BRWD3: variants seen among roughly 807,000 people sequenced by gnomAD.
The protein encoded by BRWD3 is bromodomain and WD repeat-containing protein 3.
Under a neutral mutation model 149.7 loss-of-function variants are expected in BRWD3, and 10 were observed. The observed-to-expected ratio is 0.07, with a 90% CI of 0.04 to 0.11. The LOEUF is 0.11. BRWD3 is among the 10% of genes least tolerant of loss of function. BRWD3 has a pLI of 1.00. For missense variants in BRWD3, 940 were observed against 1,373.2 expected, an observed-to-expected ratio of 0.68 and a Z score of 4.99; for synonymous variants, 504 against 456.7, an observed-to-expected ratio of 1.10 and a Z score of -1.32.
chrX:80,792,419 C>G (rs748582877), intron 5 of BRWD3, among the ~76,000 whole-genome samples: 1 of 112,120 alleles, frequency 8.9e-6, no homozygotes, highest in African/African-American at 3.2e-5. Flanking sequence ...TAACAGATAA[C>G]AGCACTGCAT....
intron 8 of BRWD3, among the ~76,000 whole-genome samples, chrX:80,738,768 G>C (rs1317972003): frequency 8.9e-6 from 1 of 111,977 alleles, no homozygotes; most frequent in Admixed American, 9.5e-5. Flanking sequence ...GACCACTCCA[G>C]AGACAGGAAA....
At chrX:80,726,992 GA>G (rs71904190) in intron 14 of BRWD3, among the ~76,000 whole-genome samples, 8,082 of 103,438 alleles carry the variant, frequency 0.078, 654 homozygotes, top group African/African-American at 0.24. Flanking sequence ...GTACATTAGG[GA>G]AAAAAAAAAA....
chrX:80,760,525 G>A (rs1403245187), intron 6 of BRWD3, among the ~76,000 whole-genome samples: 2 of 111,785 alleles, frequency 1.8e-5, no homozygotes, highest in African/African-American at 6.5e-5. Context: ...AAAGGCACAG[G>A]AAAATGCCAT....
At chrX:80,799,966 A>G (rs1449363289) in intron 4 of BRWD3, among the ~76,000 whole-genome samples, 1 of 111,556 alleles carries the variant, frequency 9.0e-6, no homozygotes, top group Non-Finnish European at 1.9e-5. Context: ...TGCTGCCCTA[A>G]GGGAACCCAT....
chrX:80,750,290 G>A (rs2147798104), intron 6 of BRWD3, among the ~76,000 whole-genome samples: 1 of 110,948 alleles, frequency 9.0e-6, no homozygotes, highest in African/African-American at 3.3e-5. Context: ...ATGATTAGCA[G>A]ACAGATGATA....
At chrX:80,689,941 C>G in intron 32 of BRWD3, 26 bp downstream of exon 32, 1 of 1,204,919 alleles carries the variant, frequency 8.3e-7, no homozygotes, top group Non-Finnish European at 1.1e-6. Flanking sequence ...AAGTTAGACT[C>G]TCTGGAAGCT....
At chrX:80,715,208 C>A (rs2073058170) in intron 20 of BRWD3, among the ~76,000 whole-genome samples, 1 of 103,868 alleles carries the variant, frequency 9.6e-6, no homozygotes. Flanking sequence ...CATTCAAAAT[C>A]TCTTAAAAAA....
intron 6 of BRWD3, among the ~76,000 whole-genome samples, chrX:80,754,416 T>C (rs1367819819): frequency 8.9e-6 from 1 of 111,985 alleles, no homozygotes; most frequent in African/African-American, 3.2e-5. Flanking sequence ...GAGGAGTCTT[T>C]AGAATTTTCT....
intron 20 of BRWD3, among the ~76,000 whole-genome samples, chrX:80,711,447 C>T (rs2072966509): frequency 8.9e-6 from 1 of 112,031 alleles, no homozygotes; most frequent in Non-Finnish European, 1.9e-5. Flanking sequence ...AATATTTTAA[C>T]CGCAAATATG....
intron 16 of BRWD3, among the ~76,000 whole-genome samples, 172 bp downstream of exon 16, chrX:80,723,576 A>T (rs2073180954): frequency 1.8e-5 from 2 of 109,755 alleles, no homozygotes; most frequent in Admixed American, 9.7e-5. Flanking sequence ...AGCCAAACCT[A>T]AGGTTCTGGC....
intron 20 of BRWD3, among the ~76,000 whole-genome samples, chrX:80,712,704 G>C (rs2072998079): frequency 9.1e-6 from 1 of 110,114 alleles, no homozygotes; most frequent in African/African-American, 3.3e-5. Flanking sequence ...AGGAAGTGAG[G>C]AGCGCCTCTT....
intron 4 of BRWD3, among the ~76,000 whole-genome samples, chrX:80,798,253 A>G (rs1404058571): frequency 9.0e-6 from 1 of 111,629 alleles, no homozygotes; most frequent in African/African-American, 3.3e-5. Context: ...ATATCGATGT[A>G]GTTCTTAAAA....
chrX:80,781,749 T>A (rs1048076214), intron 6 of BRWD3, among the ~76,000 whole-genome samples: 4 of 110,956 alleles, frequency 3.6e-5, no homozygotes, highest in African/African-American at 9.8e-5. Flanking sequence ...AAGAAAGTAA[T>A]CCCATTTAGT....
intron 6 of BRWD3, among the ~76,000 whole-genome samples, chrX:80,756,502 C>CAAAAAAAA (rs974549325): frequency 4.8e-5 from 2 of 41,318 alleles, no homozygotes; most frequent in Non-Finnish European, 7.9e-5. Context: ...AACTCTGTCT[C>CAAAAAAAA]AAAAAAAAAA....
intron 8 of BRWD3, among the ~76,000 whole-genome samples, chrX:80,738,191 C>T (rs2073431470): frequency 8.9e-6 from 1 of 112,156 alleles, no homozygotes; most frequent in African/African-American, 3.2e-5. Context: ...GGGGACCTGG[C>T]CCATTAATGT....
In BRWD3 at chrX:80,734,990, C is replaced by A. The variant is rs1222632935; in HGVS notation, c.985+137G>T. ...TTACTTAGAGTCCAAAAGAGTTTATCTATCATAACACATGGTTCAGATTTT... is the reference window on the plus strand; with the variant it reads ...TTACTTAGAGTCCAAAAGAGTTTATATATCATAACACATGGTTCAGATTTT... On this transcript the variant is annotated intron_variant, in intron 10 of 40. Transcript: ENST00000373275. The A allele has an allele frequency of 9.5e-6, 5 of 527,550 alleles. No individual in the cohort carries two copies. The South Asian group carries it at 1.2e-4, about 12-fold the overall frequency. The allele number at this position is 527,550 out of a possible 1,213,427, so 43.5% of individuals were successfully genotyped here. A position where few individuals can be genotyped will look rare whatever the true frequency, so the allele number is the denominator to read the frequency against.
At chrX:80,808,479 A>G in intron 4 of BRWD3, 60 bp downstream of exon 4, 1 of 965,986 alleles carries the variant, frequency 1.0e-6, no homozygotes, top group Non-Finnish European at 1.5e-6. Flanking sequence ...GGTTGGGGGT[A>G]CAAGGTGGGG....
At position 80,744,161 on chromosome X, in the gene BRWD3, C is replaced by A. The variant is rs1569271167; in HGVS notation, c.684G>T (p.Met228Ile). Residue 228 changes from methionine to isoleucine, a missense_variant, in exon 8 of 41, where the codon ATG (methionine) becomes ATT (isoleucine). Physicochemically the swap from Met to Ile is conservative, Grantham distance 10 (BLOSUM62 1). Around this residue, in one of 6 missense-constraint regions of BRWD3, gnomAD observed 209 missense variants for 396.8 expected, o/e 0.53. Transcript: ENST00000373275. ...LRGHSAEISD[M>I]AVNYENTLIA... ...TAAGAGTGTTTTCATAGTTAACAGCCATGTCAGAAATTTCAGCAGAGTGTC... is the reference window on the plus strand; with the variant it reads ...TAAGAGTGTTTTCATAGTTAACAGCAATGTCAGAAATTTCAGCAGAGTGTC... 1.7e-6 allele frequency: 2 copies of A among 1,211,266 alleles called. No homozygotes were observed. Among genetic ancestry groups the A allele is most frequent in the Non-Finnish European group, 2.2e-6 (2 of 895,179 alleles).
At chrX:80,797,703 G>C (rs1030429133) in intron 4 of BRWD3, among the ~76,000 whole-genome samples, 1 of 111,718 alleles carries the variant, frequency 9.0e-6, no homozygotes, top group African/African-American at 3.3e-5. Flanking sequence ...TTAAAGACTT[G>C]TACAATAAAC....
Sources: gnomAD v4.1 joint callset for allele counts (sites outside exome capture counted in the v4.1 genomes callset) on GRCh38, gnomAD v4.1.1 for gene constraint, gnomAD v4.1.1 regional missense constraint, MANE v1.5 for transcripts, NCBI Gene and HGNC (gene_info 2026-07-23, HGNC 2026-07-21) for gene names.